The following AK5 variants were observed in gnomAD, a reference collection of about 807,000 sequenced individuals.
AK5 encodes the protein adenylate kinase isoenzyme 5.
In AK5, 27 loss-of-function variants were observed where a neutral mutation model predicts 69.5. The observed-to-expected ratio is 0.39, with a 90% CI of 0.29 to 0.54. The LOEUF (loss-of-function observed/expected upper bound fraction) is 0.54, where lower values mean the gene tolerates loss of function less well. Ranked by LOEUF, AK5 falls within the 20% of genes least tolerant of loss-of-function variation. AK5 has a pLI of 0.71. For synonymous variants in AK5, 260 were observed against 244.4 expected, an observed-to-expected ratio of 1.06 and a Z score of -0.60; for missense variants, 531 against 700.4, an observed-to-expected ratio of 0.76 and a Z score of 2.73.
Position 77,438,294 on chromosome 1 carries a change from C to CAA in AK5, c.1059+20608_1059+20609dup, listed in dbSNP as rs56019139. 2.8e-4 allele frequency among the ~76,000 whole-genome samples: 15 copies of CAA among 52,798 alleles called. 1 individual carries two copies. The highest frequency in any genetic ancestry group is 4.3e-4 in the Non-Finnish European group (11 of 25,462). 34.6% of individuals were successfully genotyped at this position (52,798 alleles called of 152,430 possible). A position where few individuals can be genotyped will look rare whatever the true frequency, so the allele number is the denominator to read the frequency against. On this transcript the variant is annotated intron_variant, in intron 8 of 13. Transcript: ENST00000354567. Reference sequence around the variant, plus strand: ...TTTTGTTTTAACCCTATATTTGGTACAAAAAAAAAAAAAAAAAAAAAAAAA... The same window carrying CAA: ...TTTTGTTTTAACCCTATATTTGGTACAAAAAAAAAAAAAAAAAAAAAAAAAAA...
At chr1:77,529,550 C>T (rs560674033) in intron 12 of AK5, among the ~76,000 whole-genome samples, 2 of 152,256 alleles carry the variant, frequency 1.3e-5, no homozygotes, top group South Asian at 2.1e-4. Context: ...GTCTTGAACT[C>T]CTGACCTCGT....
chr1:77,511,629 T>A (rs574087315), intron 10 of AK5, among the ~76,000 whole-genome samples: 19 of 152,326 alleles, frequency 1.2e-4, no homozygotes, highest in African/African-American at 4.3e-4. Flanking sequence ...CAAGAAGCAT[T>A]AAAAACTATT....
chr1:77,472,583 A>G (rs1239616426), intron 8 of AK5, among the ~76,000 whole-genome samples: 1 of 151,102 alleles, frequency 6.6e-6, no homozygotes, highest in Non-Finnish European at 1.5e-5. Context: ...CTGCAAGAAA[A>G]GAAGAGGAGG....
intron 10 of AK5, among the ~76,000 whole-genome samples, chr1:77,507,750 G>A (rs1241332827): frequency 1.3e-5 from 2 of 152,152 alleles, no homozygotes; most frequent in East Asian, 3.8e-4. Flanking sequence ...AATCAACAAA[G>A]ACTTCCTGCA....
At chr1:77,437,926 A>G (rs12034899) in intron 8 of AK5, among the ~76,000 whole-genome samples, 16,246 of 152,002 alleles carry the variant, frequency 0.11, 999 homozygotes, top group East Asian at 0.25. Context: ...TGTAAACCTT[A>G]ATCTAGTTCT....
intron 10 of AK5, among the ~76,000 whole-genome samples, chr1:77,493,379 A>C (rs1656114504): frequency 6.7e-6 from 1 of 149,708 alleles, no homozygotes; most frequent in Admixed American, 6.6e-5. Context: ...ATACTCCCCC[A>C]CCTTCCCTGT....
At chr1:77,284,374 C>T (rs1658231684) in intron 1 of AK5, among the ~76,000 whole-genome samples, 3 of 152,226 alleles carry the variant, frequency 2.0e-5, no homozygotes, top group Admixed American at 2.0e-4. Context: ...GTCTACTAAA[C>T]ACCAAGACAT....
chr1:77,292,365 G>T (rs551063941), intron 2 of AK5, among the ~76,000 whole-genome samples: 1 of 152,272 alleles, frequency 6.6e-6, no homozygotes, highest in South Asian at 2.1e-4. Flanking sequence ...AATGAATCTA[G>T]TGGGTCTGTG....
At chr1:77,459,649 A>G (rs1296693432) in intron 8 of AK5, among the ~76,000 whole-genome samples, 1 of 152,226 alleles carries the variant, frequency 6.6e-6, no homozygotes, top group Non-Finnish European at 1.5e-5. Context: ...CAGGGACCAC[A>G]CTTTGAGAAC....
intron 6 of AK5, among the ~76,000 whole-genome samples, chr1:77,365,571 C>G (rs950920009): frequency 6.6e-6 from 1 of 152,204 alleles, no homozygotes; most frequent in Non-Finnish European, 1.5e-5. Flanking sequence ...TGAAACTGTT[C>G]CACCTCAGAT....
intron 2 of AK5, among the ~76,000 whole-genome samples, chr1:77,289,548 A>G (rs1223252451): frequency 2.6e-5 from 4 of 152,186 alleles, no homozygotes; most frequent in African/African-American, 9.7e-5. Flanking sequence ...TATGACATCT[A>G]CTTAGTCGGA....
In AK5 at chr1:77,456,565, C is replaced by T. The variant is rs572504849; in HGVS notation, c.1060-26752C>T. Among the ~76,000 whole-genome samples, 118 of 152,328 alleles carry T rather than the reference C, an allele frequency of 7.7e-4. 4 individuals carry two copies. In the South Asian group the frequency reaches 0.024, roughly 31 times the overall value. On this transcript the variant is annotated intron_variant, in intron 8 of 13. Coordinates refer to ENST00000354567, the MANE Select transcript of AK5 (RefSeq NM_174858.3). ...ATGTGCCAGGGAGCAAGAACAGCAC[C>T]TTCGAAGGCACAGACTTAAAAGAAC... is the stretch of plus-strand genomic sequence containing the variant.
intron 8 of AK5, among the ~76,000 whole-genome samples, chr1:77,433,887 T>A (rs1651795881): frequency 6.6e-6 from 1 of 151,832 alleles, no homozygotes; most frequent in Middle Eastern, 3.4e-3. Context: ...GTTCTGAAAA[T>A]TTTTATTTAG....
intron 6 of AK5, among the ~76,000 whole-genome samples, chr1:77,401,470 A>T (rs1421035069): frequency 6.6e-6 from 1 of 152,204 alleles, no homozygotes; most frequent in Non-Finnish European, 1.5e-5. Flanking sequence ...AATGACACTT[A>T]TGGGATATAT....
rs567147371 is a variant in AK5, at chr1:77,415,973, C to A, written c.983-1666C>A. 1.1e-4 allele frequency among the ~76,000 whole-genome samples: 17 copies of A among 152,178 alleles called. 1 individual carries two copies. The highest frequency in any genetic ancestry group is 5.8e-4 in the East Asian group (3 of 5,178). The stretch of plus-strand genomic sequence containing the variant: ...CAGACGTTGAAAGTAGTGGCAAAAA[C>A]CACAATTTCTTTTGCACCAACCTGA... On this transcript the variant is annotated intron_variant, in intron 7 of 13. Transcript: ENST00000354567.
intron 12 of AK5, among the ~76,000 whole-genome samples, chr1:77,527,285 T>C (rs1310509908): frequency 6.6e-6 from 1 of 152,232 alleles, no homozygotes; most frequent in African/African-American, 2.4e-5. Flanking sequence ...CTTCCTCCTT[T>C]GCTTAAAACC....
chr1:77,496,996 A>C lies in AK5; in HGVS notation c.1147+10644A>C, dbSNP rs1656355536. On this transcript the variant is annotated intron_variant, in intron 10 of 13. Transcript: ENST00000354567. ...ATAAAAGCTGGCCACCCCAGCCAGC[A>C]GCAGCAACCCACTGGGGTCCCCTTC... Among the ~76,000 whole-genome samples, 6 of 152,358 alleles carry C rather than the reference A, an allele frequency of 3.9e-5. No homozygotes were observed. The South Asian group carries it at 1.2e-3, about 32-fold the overall frequency.
chr1:77,545,702 C>T (rs567938291), intron 13 of AK5, among the ~76,000 whole-genome samples: 1 of 152,296 alleles, frequency 6.6e-6, no homozygotes, highest in Non-Finnish European at 1.5e-5. Flanking sequence ...TGGAATTTCC[C>T]AGCTCCTTGA....
rs1040999539 is a variant in AK5, at chr1:77,333,418, T to C, written c.700-6959T>C. Among the ~76,000 whole-genome samples, 36 of 152,390 alleles carry C rather than the reference T, an allele frequency of 2.4e-4. 1 individual carries two copies. The highest frequency in any genetic ancestry group is 1.8e-3 in the Admixed American group (27 of 15,306). On this transcript the variant is annotated intron_variant, in intron 5 of 13. Coordinates refer to ENST00000354567, the MANE Select transcript of AK5 (RefSeq NM_174858.3). ...ATATTTATTCTGTTCAAATCTAATG[T>C]AATTACTTATATACTTAGGTTTAAA...
Sources: allele counts gnomAD v4.1 joint callset (sites outside exome capture counted in the v4.1 genomes callset), GRCh38; gene constraint gnomAD v4.1.1; transcripts MANE v1.5; gene names NCBI Gene and HGNC (gene_info 2026-07-23, HGNC 2026-07-21).